Variants in MCM3AP observed in about 807,000 individuals in gnomAD.
The protein encoded by MCM3AP is minichromosome maintenance complex component 3 associated protein.
A neutral mutation model predicts 184.1 loss-of-function variants in MCM3AP; 126 were observed. The ratio of observed to expected loss-of-function variants is 0.68; its 90% CI spans 0.59 to 0.79. The LOEUF (loss-of-function observed/expected upper bound fraction) is 0.79, where lower values mean the gene tolerates loss of function less well. MCM3AP is among the 30% of genes least tolerant of loss of function. The probability of loss-of-function intolerance (pLI) is 0.00; values close to 1 mark genes in which losing one functional copy is unlikely to be tolerated. For synonymous variants in MCM3AP, 1,002 were observed against 979.3 expected (o/e 1.02, Z -0.43); for missense variants, 2,496 against 2,479.2 (o/e 1.01, Z -0.14).
In MCM3AP at chr21:46,280,501, T is replaced by G. The variant is rs771406073; in HGVS notation, c.1518A>C (p.Lys506Asn). 6.2e-7 allele frequency: 1 copy of G among 1,605,662 alleles called. No individual in the cohort carries two copies. The highest frequency in any genetic ancestry group is 8.5e-7 in the Non-Finnish European group (1 of 1,174,378). ...KDMAIFWHRKKISPNKKPFSL... is the reference protein window; with the variant it reads ...KDMAIFWHRKNISPNKKPFSL... ...AAAGAATAATTGAAAACTCACTTATTTTCTTCCTGTGCCAAAAGATAGCCA... is the reference window on the plus strand; with the variant it reads ...AAAGAATAATTGAAAACTCACTTATGTTCTTCCTGTGCCAAAAGATAGCCA... The change falls in exon 3 of 28, where the codon AAA becomes AAC. Residue 506 changes from lysine to asparagine, a missense_variant. By Grantham distance (94) the Lys-to-Asn change is moderately conservative (BLOSUM62 0). Transcript: ENST00000291688.
At chr21:46,243,804 G>T (rs746232558) in intron 23 of MCM3AP, 82 bp from the exon 24 acceptor site, 148 of 1,423,916 alleles carry the variant, frequency 1.0e-4, no homozygotes, top group Non-Finnish European at 1.3e-4. Flanking sequence ...CTCAGGAGAA[G>T]GCAACTGTGA....
rs368817088 is a variant in MCM3AP, at chr21:46,285,197, T to C, written c.90A>G (p.Pro30=). Residue 30 remains proline (P), a synonymous_variant, in exon 1 of 28, where the codon CCA becomes CCG. Transcript: ENST00000291688. ...AAAGAGAAGGTTGACCAAATCGAAA[T>C]GGCGGCTTAGATGGAAGTGTTCCTA... The part of the protein sequence containing the change: ...SNVGTLPSKP[P]FRFGQPSLFG... The C allele has an allele frequency of 6.2e-7, 1 of 1,614,232 alleles. No individual in the cohort carries two copies. Among genetic ancestry groups the C allele is most frequent in the Non-Finnish European group, 8.5e-7 (1 of 1,180,046 alleles).
chr21:46,280,443 A>G, intron 3 of MCM3AP, 54 bp downstream of exon 3: 1 of 1,332,216 alleles, frequency 7.5e-7, no homozygotes, highest in Non-Finnish European at 1.1e-6. Context: ...TCATCTCTAT[A>G]AAATAAATAA....
chr21:46,265,761 A>G (rs1361599931), intron 11 of MCM3AP, among the ~76,000 whole-genome samples, 164 bp downstream of exon 11: 1 of 152,184 alleles, frequency 6.6e-6, no homozygotes, highest in Non-Finnish European at 1.5e-5. Flanking sequence ...AGTGAGAACC[A>G]TCTGAGCATG....
intron 6 of MCM3AP, 128 bp from the exon 7 acceptor site, chr21:46,273,713 T>G: frequency 2.9e-6 from 2 of 681,790 alleles, no homozygotes; most frequent in African/African-American, 3.6e-5. Flanking sequence ...ATATATTTTT[T>G]CAACATAAAA....
At chr21:46,261,435 A>G in intron 13 of MCM3AP, 24 bp from the exon 14 acceptor site, 1 of 1,611,560 alleles carries the variant, frequency 6.2e-7, no homozygotes, top group Non-Finnish European at 8.5e-7. Flanking sequence ...AGGGGATAGC[A>G]TTCAAAATCA....
rs557418350 is a variant in MCM3AP at position 46,276,683 on chromosome 21, C to T, written c.1858+844G>A. On this transcript the variant is annotated intron_variant, in intron 5 of 27. Transcript: ENST00000291688. ...CTCGAACTCCTGACCTCAGGTGATCCACCAGCCTCGACCTCCTAAAGTGCT... is the reference window on the plus strand; with the variant it reads ...CTCGAACTCCTGACCTCAGGTGATCTACCAGCCTCGACCTCCTAAAGTGCT... Among the ~76,000 whole-genome samples the T allele has an allele frequency of 1.2e-4, 18 of 151,992 alleles. No individual in the cohort carries two copies. The East Asian group carries it at 3.1e-3, about 26-fold the overall frequency.
chr21:46,279,722 C>G (rs576123862), intron 4 of MCM3AP, among the ~76,000 whole-genome samples: 1 of 152,372 alleles, frequency 6.6e-6, no homozygotes, highest in African/African-American at 2.4e-5. Flanking sequence ...GACAGAATCA[C>G]TGCTCTCCAC....
chr21:46,277,423 T>A (rs1306766871), intron 5 of MCM3AP, 104 bp downstream of exon 5: 1 of 835,814 alleles, frequency 1.2e-6, no homozygotes, highest in African/African-American at 1.7e-5. Flanking sequence ...GCTCTGAGAC[T>A]CAACAGCAAT....
rs1177848809 is a variant in MCM3AP, at chr21:46,283,831, T to TA, written c.1226dup (p.Arg410LysfsTer9). The TA allele has an allele frequency of 2.5e-6, 4 of 1,612,240 alleles. No homozygotes were observed. The highest frequency in any genetic ancestry group is 2.5e-6 in the Non-Finnish European group (3 of 1,179,260). ...TACTCTGACGCGCCGGAGTTCCTCT[T>TA]AGAGAATCTAGGGGTTCAGAGAATG... is the stretch of plus-strand genomic sequence containing the variant. On this transcript the variant is annotated frameshift_variant, in exon 2 of 28. Coordinates refer to ENST00000291688, the MANE Select transcript of MCM3AP (RefSeq NM_003906.5). LOFTEE classifies it high-confidence loss of function.
rs1288346073 is a variant in MCM3AP, at chr21:46,246,692, C to T, written c.4485G>A (p.Ala1495=). 9.9e-6 allele frequency: 16 copies of T among 1,614,108 alleles called. No individual in the cohort carries two copies. Among genetic ancestry groups the T allele is most frequent in the East Asian group, 2.2e-5 (1 of 44,904 alleles). Residue 1495 remains alanine (A), a synonymous_variant, in exon 21 of 28, where the codon GCG becomes GCA. Coordinates refer to ENST00000291688, the MANE Select transcript of MCM3AP (RefSeq NM_003906.5). ...QLLQAKPFQP[A]LPLVVLVPSP... is the part of the protein sequence containing the mutation. ...TAGGCACAAGAACCACCAGAGGAAG[C>T]GCAGGCTGGAAGGGCTTAGCCTGCA...
In MCM3AP at chr21:46,265,365, G is replaced by A. The variant is rs1264867068; in HGVS notation, c.3190C>T (p.Pro1064Ser). The A allele has an allele frequency of 8.1e-6, 13 of 1,613,904 alleles. No homozygotes were observed. Among genetic ancestry groups the A allele is most frequent in the Non-Finnish European group, 1.1e-5 (13 of 1,180,040 alleles). Reference protein sequence around the residue: ...APSLFQLSVQPEPPPPEPVPM... With the variant: ...APSLFQLSVQSEPPPPEPVPM... ...ACGGGCTCTGGAGGCGGTGGTTCAGGCTGCACAGACAGCTGGAAGAGGCTG... is the reference window on the plus strand; with the variant it reads ...ACGGGCTCTGGAGGCGGTGGTTCAGACTGCACAGACAGCTGGAAGAGGCTG... The change falls in exon 12 of 28, where the codon CCT (proline) becomes TCT (serine). Residue 1064 changes from proline to serine, a missense_variant. Around this residue, in one of 5 missense-constraint regions of MCM3AP, gnomAD observed 1,323 missense variants for 1,273.4 expected, o/e 1.04. Transcript: ENST00000291688.
At position 46,235,384 on chromosome 21, in the gene MCM3AP, C is replaced by T. The variant is rs562593941; in HGVS notation, c.5827G>A (p.Gly1943Arg). The change falls in exon 28 of 28, where the codon GGA becomes AGA. Residue 1943 changes from glycine to arginine, a missense_variant. By Grantham distance (125) the Gly-to-Arg change is moderately radical. This residue lies in a region of MCM3AP where 1,323 missense variants were observed against 1,273.4 expected (regional missense o/e 1.04). Transcript: ENST00000291688. ...REQLQLSEAT[G>R]TCLGERLKHL... ...TTTAGTCGTTCGCCTAGACACGTTC[C>T]TGTCGCCTCTGACAGCTGCAGTTGC... 6 of 1,614,146 alleles carry T rather than the reference C, an allele frequency of 3.7e-6. No individual in the cohort carries two copies. The South Asian group carries it at 5.5e-5, about 15-fold the overall frequency.
intron 9 of MCM3AP, 78 bp downstream of exon 9, chr21:46,270,323 T>A (rs895141640): frequency 2.1e-6 from 3 of 1,403,906 alleles, no homozygotes; most frequent in African/African-American, 2.9e-5. Flanking sequence ...TTTGAAAAGC[T>A]TGGAATAAGA....
At chr21:46,259,462 A>C (rs2081010149) in intron 15 of MCM3AP, 1 of 160,950 alleles carries the variant, frequency 6.2e-6, no homozygotes, top group Admixed American at 6.4e-5. Flanking sequence ...TCTCAAAAAA[A>C]AAAAAAAAAG....
At chr21:46,271,098 C>T (rs572258953) in intron 8 of MCM3AP, among the ~76,000 whole-genome samples, 4 of 151,906 alleles carry the variant, frequency 2.6e-5, no homozygotes, top group African/African-American at 4.8e-5. Flanking sequence ...CTGAATTATT[C>T]GTGATGGAGA....
chr21:46,259,605 A>G (rs2145659361), intron 15 of MCM3AP, among the ~76,000 whole-genome samples: 1 of 151,772 alleles, frequency 6.6e-6, no homozygotes, highest in South Asian at 2.1e-4. Flanking sequence ...CCCCGTCTCT[A>G]CTAAAAATAC....
At chr21:46,248,561 A>G (rs1028531459) in intron 20 of MCM3AP, among the ~76,000 whole-genome samples, 6 of 152,044 alleles carry the variant, frequency 3.9e-5, no homozygotes, top group Non-Finnish European at 7.4e-5. Flanking sequence ...AGCCTTGGGT[A>G]AGGCATCTGA....
intron 15 of MCM3AP, among the ~76,000 whole-genome samples, chr21:46,260,152 T>C (rs1159734918): frequency 4.7e-5 from 6 of 127,676 alleles, no homozygotes; most frequent in African/African-American, 1.6e-4. Flanking sequence ...GAAGCTTTAA[T>C]ACTTAAACTA....
Sources: gnomAD v4.1 joint callset for allele counts (sites outside exome capture counted in the v4.1 genomes callset) on GRCh38, gnomAD v4.1.1 for gene constraint, gnomAD v4.1.1 regional missense constraint, MANE v1.5 for transcripts, NCBI Gene and HGNC (gene_info 2026-07-23, HGNC 2026-07-21) for gene names.